CNTNAP5: variants seen among roughly 807,000 people sequenced by gnomAD.
CNTNAP5 encodes contactin associated protein family member 5, also known as contactin-associated protein-like 5.
Under a neutral mutation model 150.2 loss-of-function variants are expected in CNTNAP5, and 72 were observed. That is an observed-to-expected ratio of 0.48 (90% CI 0.40 to 0.58). The LOEUF (loss-of-function observed/expected upper bound fraction) is 0.58. Ranked by LOEUF, CNTNAP5 falls within the 20% of genes least tolerant of loss-of-function variation. CNTNAP5 has a pLI of 0.00. For synonymous variants in CNTNAP5, 672 were observed against 619.8 expected (o/e 1.08, Z -1.25); for missense variants, 1,636 against 1,626.2 (o/e 1.01, Z -0.10).
At chr2:124,712,400 A>G (rs947899146) in intron 13 of CNTNAP5, among the ~76,000 whole-genome samples, 3 of 152,170 alleles carry the variant, frequency 2.0e-5, no homozygotes, top group African/African-American at 7.2e-5. Flanking sequence ...CAGGATTTTG[A>G]CAAAGGTAAC....
At chr2:124,384,685 A>G (rs1332881710) in intron 3 of CNTNAP5, among the ~76,000 whole-genome samples, 2 of 152,218 alleles carry the variant, frequency 1.3e-5, no homozygotes, top group African/African-American at 4.8e-5. Context: ...CAAAATCTGT[A>G]TCCTTCCTCT....
At chr2:124,557,543 T>C (rs926688558) in intron 10 of CNTNAP5, among the ~76,000 whole-genome samples, 1 of 152,136 alleles carries the variant, frequency 6.6e-6, no homozygotes, top group African/African-American at 2.4e-5. Context: ...CTACCTTGCT[T>C]CCTACTTTGG....
chr2:124,342,649 C>A (rs1387248119), intron 3 of CNTNAP5, among the ~76,000 whole-genome samples: 1 of 151,960 alleles, frequency 6.6e-6, no homozygotes, highest in African/African-American at 2.4e-5. Context: ...AATGAGAATA[C>A]TCAGGAATAA....
At chr2:124,890,899 T>C (rs1678180137) in intron 21 of CNTNAP5, among the ~76,000 whole-genome samples, 1 of 152,026 alleles carries the variant, frequency 6.6e-6, no homozygotes, top group Admixed American at 6.6e-5. Flanking sequence ...ACATGTTAGA[T>C]CTTAGAATAT....
At position 124,151,959 on chromosome 2, in the gene CNTNAP5, G is replaced by A. The variant is rs182615784; in HGVS notation, c.83-69746G>A. Among the ~76,000 whole-genome samples the A allele has an allele frequency of 5.3e-4, 80 of 152,314 alleles. 1 individual carries two copies. The East Asian group carries it at 0.015, about 29-fold the overall frequency. The stretch of plus-strand genomic sequence containing the variant: ...CAACTTCTTAAGGGGTGGCTGAGAG[G>A]ATAAGTGAGAATAGGAAAATAAGTT... On this transcript the variant is annotated intron_variant, in intron 1 of 23. Transcript: ENST00000682447.
intron 7 of CNTNAP5, among the ~76,000 whole-genome samples, chr2:124,499,151 T>G (rs921446485): frequency 1.3e-5 from 2 of 149,792 alleles, no homozygotes; most frequent in African/African-American, 2.5e-5. Context: ...GAAAGGCATG[T>G]TTTTTTTTCC....
At chr2:124,771,227 T>G (rs921703239) in intron 16 of CNTNAP5, among the ~76,000 whole-genome samples, 3 of 152,108 alleles carry the variant, frequency 2.0e-5, no homozygotes, top group Non-Finnish European at 4.4e-5. Flanking sequence ...ATTTCCTATT[T>G]TAGGGGGTAG....
chr2:124,414,220 T>C (rs955492196), intron 3 of CNTNAP5, among the ~76,000 whole-genome samples: 7 of 151,890 alleles, frequency 4.6e-5, no homozygotes, highest in South Asian at 2.1e-4. Context: ...GTGGCTTTAA[T>C]ACATCTAACA....
At chr2:124,901,757 CAG>C (rs1406044753) in intron 21 of CNTNAP5, among the ~76,000 whole-genome samples, 1 of 152,068 alleles carries the variant, frequency 6.6e-6, no homozygotes, top group Admixed American at 6.6e-5. Flanking sequence ...TGTGAAAAGA[CAG>C]AGATGATAAG....
intron 3 of CNTNAP5, among the ~76,000 whole-genome samples, chr2:124,412,943 A>C (rs2104771985): frequency 1.1e-5 from 1 of 90,958 alleles, no homozygotes; most frequent in South Asian, 4.5e-4. Flanking sequence ...GTGAACAGAC[A>C]ACCTAAAAAA....
At chr2:124,303,113 T>C (rs762748270) in intron 3 of CNTNAP5, among the ~76,000 whole-genome samples, 22 of 152,180 alleles carry the variant, frequency 1.4e-4, no homozygotes, top group African/African-American at 4.3e-4. Flanking sequence ...CAGCTTCCAC[T>C]GTGTTGTGGA....
intron 21 of CNTNAP5, among the ~76,000 whole-genome samples, chr2:124,884,223 A>G (rs960507455): frequency 6.6e-6 from 1 of 151,956 alleles, no homozygotes; most frequent in Non-Finnish European, 1.5e-5. Context: ...TTTTGCATGC[A>G]TATGTATGTG....
At chr2:124,101,987 G>A (rs1189028601) in intron 1 of CNTNAP5, among the ~76,000 whole-genome samples, 5 of 152,092 alleles carry the variant, frequency 3.3e-5, no homozygotes, top group East Asian at 1.9e-4. Flanking sequence ...TGCTGACAGC[G>A]TATCACTGAT....
chr2:124,135,896 T>G (rs1297046025), intron 1 of CNTNAP5, among the ~76,000 whole-genome samples: 1 of 152,152 alleles, frequency 6.6e-6, no homozygotes, highest in Admixed American at 6.5e-5. Context: ...ACAATCACAA[T>G]CTCCTTCACG....
chr2:124,275,887 T>G (rs1358037244), intron 3 of CNTNAP5, among the ~76,000 whole-genome samples: 1 of 152,182 alleles, frequency 6.6e-6, no homozygotes, highest in Non-Finnish European at 1.5e-5. Context: ...GACTTGTACC[T>G]GGTCATCAGA....
At chr2:124,255,598 T>TA (rs70996054) in intron 3 of CNTNAP5, among the ~76,000 whole-genome samples, 41,648 of 146,828 alleles carry the variant, frequency 0.28, 6,570 homozygotes, top group South Asian at 0.46. Context: ...AATTTTTTTT[T>TA]AAAAAGTAAA....
At chr2:124,474,909 G>C in intron 7 of CNTNAP5, 27 bp downstream of exon 7, 2 of 1,578,802 alleles carry the variant, frequency 1.3e-6, no homozygotes, top group Non-Finnish European at 1.7e-6. Flanking sequence ...GTTTTGTCTT[G>C]ATGGTTTCTA....
At chr2:124,883,771 T>C (rs571003589) in intron 21 of CNTNAP5, among the ~76,000 whole-genome samples, 1 of 152,252 alleles carries the variant, frequency 6.6e-6, no homozygotes, top group East Asian at 1.9e-4. Context: ...CATGCTTGCA[T>C]ATGTCCATGT....
At chr2:124,490,044 C>A (rs568447996) in intron 7 of CNTNAP5, among the ~76,000 whole-genome samples, 2 of 152,140 alleles carry the variant, frequency 1.3e-5, no homozygotes, top group African/African-American at 4.8e-5. Flanking sequence ...AGGCAGAGTG[C>A]AGTGGCTTAA....
Sources: allele counts gnomAD v4.1 joint callset (sites outside exome capture counted in the v4.1 genomes callset), GRCh38; gene constraint gnomAD v4.1.1; transcripts MANE v1.5; gene names NCBI Gene and HGNC (gene_info 2026-07-23, HGNC 2026-07-21).